The following LAMA4 variants were observed in gnomAD, a reference collection of about 807,000 sequenced individuals.
The protein encoded by LAMA4 is laminin subunit alpha 4.
A neutral mutation model predicts 207.1 loss-of-function variants in LAMA4; 127 were observed. The ratio of observed to expected loss-of-function variants is 0.61; its 90% confidence interval spans 0.53 to 0.71. The LOEUF is 0.71. Ranked by LOEUF, LAMA4 falls within the 30% of genes least tolerant of loss-of-function variation. The pLI is 0.00. For synonymous variants in LAMA4, 761 were observed against 816.0 expected (o/e 0.93, Z 1.15); for missense variants, 2,093 against 2,246.5 (o/e 0.93, Z 1.38).
At chr6:112,237,136 T>A (rs1015343841) in intron 2 of LAMA4, among the ~76,000 whole-genome samples, 15 of 152,168 alleles carry the variant, frequency 9.9e-5, no homozygotes, top group African/African-American at 3.6e-4. Flanking sequence ...AAGTGGAATT[T>A]CCTAATTTCC....
rs782392545 is a variant in LAMA4 at position 112,150,524 on chromosome 6, T to C, written c.2160A>G (p.Gln720=). The C allele has an allele frequency of 1.9e-6, 3 of 1,607,850 alleles. No homozygotes were observed. Among genetic ancestry groups the C allele is most frequent in the Non-Finnish European group, 2.6e-6 (3 of 1,174,204 alleles). ...TRLSDAVKQL[Q]AAERGDAQQR... ...TCTGATGCTTACCTCTCTCTGCTGC[T>C]TGTAGTTGCTTAACGGCATCACTGA... The change falls in exon 17 of 39, where the codon CAA becomes CAG. Residue 720 remains glutamine (Q), a synonymous_variant. Transcript: ENST00000230538.
intron 12 of LAMA4, among the ~76,000 whole-genome samples, chr6:112,168,061 G>A (rs1781490821): frequency 6.6e-6 from 1 of 151,952 alleles, no homozygotes; most frequent in Non-Finnish European, 1.5e-5. Context: ...AGCCGGGCGT[G>A]GTGGCGGGTG....
intron 6 of LAMA4, among the ~76,000 whole-genome samples, chr6:112,190,542 A>C (rs746482099): frequency 3.3e-5 from 5 of 152,244 alleles, no homozygotes; most frequent in Admixed American, 3.3e-4. Context: ...TCAAAGTCAC[A>C]TAAGAGTAAG....
chr6:112,205,997 C>T (rs1353112702), intron 4 of LAMA4, among the ~76,000 whole-genome samples: 1 of 152,044 alleles, frequency 6.6e-6, no homozygotes, highest in East Asian at 1.9e-4. Context: ...AGTCTCTGCA[C>T]GCACTCCTTC....
intron 1 of LAMA4, 45 bp from the exon 2 acceptor site, chr6:112,254,336 C>A (rs1283204935): frequency 4.7e-6 from 3 of 634,288 alleles, no homozygotes; most frequent in African/African-American, 2.0e-5. Context: ...AGAGTTCCAG[C>A]CTCTCTCTCC....
chr6:112,164,384 G>T (rs1321524326), intron 13 of LAMA4, among the ~76,000 whole-genome samples: 1 of 152,036 alleles, frequency 6.6e-6, no homozygotes, highest in African/African-American at 2.4e-5. Context: ...ACTAGGGTTT[G>T]GGAGGAGGTA....
In LAMA4 at chr6:112,216,360, C is replaced by T. The variant is rs200595773; in HGVS notation, c.297+8G>A. On this transcript the variant is annotated splice_region_variant and intron_variant, in intron 3 of 38. Coordinates refer to ENST00000230538, the MANE Select transcript of LAMA4 (RefSeq NM_001105206.3). ...AGTACGTGAAGTGTTATAGGTGCCCCAACTTACCACACAGTATCCTGAGCC... is the reference window on the plus strand; with the variant it reads ...AGTACGTGAAGTGTTATAGGTGCCCTAACTTACCACACAGTATCCTGAGCC... The T allele has an allele frequency of 1.4e-4, 217 of 1,587,596 alleles. 2 individuals are homozygous for T. In the African/African-American group the frequency reaches 2.7e-3, roughly 20 times the overall value.
At chr6:112,153,549 T>C (rs1364017052) in intron 16 of LAMA4, among the ~76,000 whole-genome samples, 1 of 152,110 alleles carries the variant, frequency 6.6e-6, no homozygotes, top group African/African-American at 2.4e-5. Context: ...GAAAAGTTGC[T>C]TTTATGAGGT....
rs1353282304 is a variant in LAMA4 at position 112,218,290 on chromosome 6, C to G, written c.196-1821G>C. The G allele has an allele frequency of 2.6e-5, 4 of 151,638 alleles. No homozygotes were observed. In the East Asian group the frequency reaches 7.7e-4, roughly 29 times the overall value. 9.4% of individuals were successfully genotyped at this position (151,638 alleles called of 1,614,324 possible). A position where few individuals can be genotyped will look rare whatever the true frequency, so the allele number is the denominator to read the frequency against. The stretch of plus-strand genomic sequence containing the variant: ...TGGGGAGCTTCTGATTCAGTGAAAC[C>G]AAAGGATCTGCATTTTAAAAAATAA... On this transcript the variant is annotated intron_variant, in intron 2 of 38. Transcript: ENST00000230538.
intron 22 of LAMA4, 82 bp from the exon 23 acceptor site, chr6:112,139,967 G>T: frequency 7.1e-7 from 1 of 1,398,632 alleles, no homozygotes; most frequent in Non-Finnish European, 1.0e-6. Context: ...GCAACTAATA[G>T]TAGGTCAAGG....
At chr6:112,226,436 G>A (rs1318183419) in intron 2 of LAMA4, among the ~76,000 whole-genome samples, 2 of 152,034 alleles carry the variant, frequency 1.3e-5, no homozygotes, top group African/African-American at 4.8e-5. Flanking sequence ...ATACGCTACA[G>A]AGGCCTGGGA....
At chr6:112,210,429 T>C (rs782589895) in intron 3 of LAMA4, among the ~76,000 whole-genome samples, 59 of 152,184 alleles carry the variant, frequency 3.9e-4, no homozygotes, top group Non-Finnish European at 6.3e-4. Context: ...AAGCTATATC[T>C]AGATAATCGA....
At position 112,150,578 on chromosome 6, in the gene LAMA4, TA is replaced by T; in HGVS notation, c.2105del (p.Leu702GlnfsTer35). 6.2e-7 allele frequency: 1 copy of T among 1,614,100 alleles called. No homozygotes were observed. Among genetic ancestry groups the T allele is most frequent in the Non-Finnish European group, 8.5e-7 (1 of 1,179,972 alleles). ...ADTSRRVGGALARKSALKTRL... is the reference protein window; with the variant it reads ...ADTSRRVGGAXARKSALKTRL... ...TGGTTTTAAGGGCACTTTTCCTTGC[TA>T]GGGCTCCACCCACACGCCTGCTAGT... On this transcript the variant is annotated frameshift_variant, in exon 17 of 39. Transcript: ENST00000230538. LOFTEE classifies it high-confidence loss of function.
intron 3 of LAMA4, among the ~76,000 whole-genome samples, chr6:112,211,955 G>A (rs1784376130): frequency 6.6e-6 from 1 of 152,166 alleles, no homozygotes; most frequent in African/African-American, 2.4e-5. Context: ...GAGTTGTTGG[G>A]AAGCTGTGTC....
intron 19 of LAMA4, among the ~76,000 whole-genome samples, chr6:112,143,242 G>A (rs1371110130): frequency 6.6e-6 from 1 of 151,782 alleles, no homozygotes; most frequent in Admixed American, 6.6e-5. Flanking sequence ...CAAATGACTG[G>A]AGTGCAGCTG....
chr6:112,226,354 A>T (rs1785211522), intron 2 of LAMA4, among the ~76,000 whole-genome samples: 1 of 152,150 alleles, frequency 6.6e-6, no homozygotes, highest in African/African-American at 2.4e-5. Flanking sequence ...CTCTGCTCTA[A>T]TGCAATCACA....
intron 2 of LAMA4, among the ~76,000 whole-genome samples, chr6:112,226,215 C>T (rs782439582): frequency 3.3e-5 from 5 of 152,170 alleles, no homozygotes; most frequent in Non-Finnish European, 5.9e-5. Flanking sequence ...AAACTCTTAT[C>T]GTACTACTTT....
rs1284242929 is a variant in LAMA4, at chr6:112,240,228, GTTTA to G, written c.195+13724_195+13727del. 2.6e-5 allele frequency among the ~76,000 whole-genome samples: 4 copies of G among 151,788 alleles called. No individual in the cohort carries two copies. The East Asian group carries it at 5.8e-4, about 22-fold the overall frequency. The stretch of plus-strand genomic sequence containing the variant: ...TCATTTCTCCTGAGGTCATTTTTTT[GTTTA>G]ATTGTTTTATTTTTAATCTTTGTAT... On this transcript the variant is annotated intron_variant, in intron 2 of 38. Coordinates refer to ENST00000230538, the MANE Select transcript of LAMA4 (RefSeq NM_001105206.3).
chr6:112,253,786 A>G lies in LAMA4; in HGVS notation c.195+170T>C, dbSNP rs782309728. The G allele has an allele frequency of 2.0e-5, 33 of 1,614,058 alleles. No individual in the cohort carries two copies. In the Admixed American group the frequency reaches 4.0e-4, roughly 20 times the overall value. On this transcript the variant is annotated intron_variant, in intron 2 of 38. Transcript: ENST00000230538. ...TTTCAACTCTCAACATCCAAATGCA[A>G]CTTACAAAGGAAAACTCTTTATTTC...
Sources: gnomAD v4.1 joint callset for allele counts (sites outside exome capture counted in the v4.1 genomes callset) on GRCh38, gnomAD v4.1.1 for gene constraint, MANE v1.5 for transcripts, NCBI Gene and HGNC (gene_info 2026-07-23, HGNC 2026-07-21) for gene names.